The following ABCC1 variants were observed in gnomAD, a reference collection of about 807,000 sequenced individuals.
The protein encoded by ABCC1 is multidrug resistance-associated protein 1.
A neutral mutation model predicts 172.9 loss-of-function variants in ABCC1; 83 were observed. That is an observed-to-expected ratio of 0.48 (90% CI 0.40 to 0.58). The LOEUF (loss-of-function observed/expected upper bound fraction) is 0.58. Among genes scored for constraint, ABCC1 ranks in the 20% least tolerant of loss-of-function variants. The probability of loss-of-function intolerance (pLI) is 0.00; values close to 1 mark genes in which losing one functional copy is unlikely to be tolerated. For synonymous variants in ABCC1, 937 were observed against 825.2 expected, an observed-to-expected ratio of 1.14 and a Z score of -2.32; for missense variants, 1,817 against 2,002.7, an observed-to-expected ratio of 0.91 and a Z score of 1.77.
intron 23 of ABCC1, among the ~76,000 whole-genome samples, chr16:16,116,147 G>A (rs544313602): frequency 5.9e-5 from 9 of 151,800 alleles, no homozygotes; most frequent in African/African-American, 1.9e-4. Flanking sequence ...CTCGTGATTC[G>A]CCTGCCTCAG....
intron 1 of ABCC1, among the ~76,000 whole-genome samples, chr16:16,002,781 A>AAAT (rs1403252179): frequency 6.6e-6 from 1 of 151,660 alleles, no homozygotes; most frequent in East Asian, 1.9e-4. Context: ...CAAAAAAAAA[A>AAAT]AAAAAAGTTC....
intron 5 of ABCC1, 69 bp downstream of exon 5, chr16:16,016,690 A>C (rs2048013251): frequency 6.3e-7 from 1 of 1,590,138 alleles, no homozygotes; most frequent in African/African-American, 1.3e-5. Context: ...AGTACCAGCT[A>C]ACATTTCTTA....
intron 21 of ABCC1, among the ~76,000 whole-genome samples, chr16:16,110,887 G>A (rs370469184): frequency 6.6e-6 from 1 of 152,028 alleles, no homozygotes; most frequent in African/African-American, 2.4e-5. Flanking sequence ...CCATGCATGA[G>A]GGCAGAGACC....
At chr16:16,084,972 G>A (rs1290697582) in intron 17 of ABCC1, among the ~76,000 whole-genome samples, 3 of 152,054 alleles carry the variant, frequency 2.0e-5, no homozygotes, top group Non-Finnish European at 4.4e-5. Context: ...CATTTTACAC[G>A]TAATTCTTCC....
chr16:16,040,861 A>C lies in ABCC1; in HGVS notation c.810-3589A>C, dbSNP rs4479256. On this transcript the variant is annotated intron_variant, in intron 7 of 30. Coordinates refer to ENST00000399410, the MANE Select transcript of ABCC1 (RefSeq NM_004996.4). ...TAGGGACAAGAGTGAAGGCAGGGAG[A>C]CCAGGGTGGGAACCTCAAGGGCTGT... Among the ~76,000 whole-genome samples, 1,470 of 152,110 alleles carry C rather than the reference A, an allele frequency of 9.7e-3. 19 individuals are homozygous for C. The highest frequency in any genetic ancestry group is 0.033 in the African/African-American group (1,376 of 41,488).
intron 1 of ABCC1, among the ~76,000 whole-genome samples, chr16:15,997,021 G>C (rs966282906): frequency 7.2e-5 from 11 of 152,156 alleles, no homozygotes; most frequent in Non-Finnish European, 1.2e-4. Flanking sequence ...ACTTGATCAA[G>C]CTGGTGAAGT....
At chr16:16,132,510 G>GTGTTTTTTTTTTTTTT (rs2045735348) in intron 27 of ABCC1, among the ~76,000 whole-genome samples, 1 of 37,298 alleles carries the variant, frequency 2.7e-5, no homozygotes, top group Non-Finnish European at 5.0e-5. Flanking sequence ...TTGGTTGGTT[G>GTGTTTTTTTTTTTTTT]TTTTTTTTTT....
At chr16:16,049,855 CT>C (rs112143242) in intron 10 of ABCC1, among the ~76,000 whole-genome samples, 35 of 147,076 alleles carry the variant, frequency 2.4e-4, no homozygotes, top group East Asian at 2.0e-4. Flanking sequence ...ATTAAATTTT[CT>C]TTTTTTTTTG....
Position 16,112,738 on chromosome 16 carries a change from T to C in ABCC1, c.3079+1156T>C, listed in dbSNP as rs149687271. Among the ~76,000 whole-genome samples, 837 of 152,370 alleles carry C rather than the reference T, an allele frequency of 5.5e-3. 11 individuals are homozygous for C. The highest frequency in any genetic ancestry group is 6.2e-3 in the Non-Finnish European group (423 of 68,040). On this transcript the variant is annotated intron_variant, in intron 22 of 30. Transcript: ENST00000399410. Reference sequence around the variant, plus strand: ...AGCCATGTTTGCAAATACACATGTATGGTCCATATGATATATACACAGTAA... The same window carrying C: ...AGCCATGTTTGCAAATACACATGTACGGTCCATATGATATATACACAGTAA...
chr16:16,022,008 C>T (rs1274702560), intron 5 of ABCC1, among the ~76,000 whole-genome samples: 1 of 152,192 alleles, frequency 6.6e-6, no homozygotes, highest in Non-Finnish European at 1.5e-5. Flanking sequence ...TCCCATCACT[C>T]TCAGGGATTG....
At chr16:16,102,753 C>G (rs1378965803) in intron 20 of ABCC1, 36 bp downstream of exon 20, 1 of 1,544,574 alleles carries the variant, frequency 6.5e-7, no homozygotes, top group Admixed American at 2.0e-5. Flanking sequence ...CCTAAGGACC[C>G]TGCCCTGCCA....
chr16:16,124,339 G>GTGTGTGTGTGTGTGTGTGTGTA (rs1466097333), intron 24 of ABCC1, among the ~76,000 whole-genome samples: 1 of 134,508 alleles, frequency 7.4e-6, no homozygotes, highest in African/African-American at 3.0e-5. Flanking sequence ...GTGTGTGTGT[G>GTGTGTGTGTGTGTGTGTGTGTA]TGTGTGTGTG....
chr16:16,008,943 T>TTTTG (rs2047663570), intron 2 of ABCC1, among the ~76,000 whole-genome samples: 3 of 145,806 alleles, frequency 2.1e-5, no homozygotes, highest in Non-Finnish European at 4.5e-5. Flanking sequence ...TTTTTTTTTT[T>TTTTG]TTGTTGTTGT....
chr16:16,057,531 A>G (rs1440702750), intron 12 of ABCC1, among the ~76,000 whole-genome samples: 3 of 145,838 alleles, frequency 2.1e-5, no homozygotes, highest in Non-Finnish European at 4.5e-5. Context: ...ATTGTCATCC[A>G]TTGTAAAAAA....
intron 12 of ABCC1, among the ~76,000 whole-genome samples, chr16:16,066,068 C>T (rs570869888): frequency 4.3e-4 from 65 of 152,250 alleles, no homozygotes; most frequent in African/African-American, 1.4e-3. Flanking sequence ...ACCAGTTGCT[C>T]CCCAAATCTT....
chr16:16,016,455 C>G (rs1411691039), intron 4 of ABCC1, 41 bp from the exon 5 acceptor site: 1 of 1,611,476 alleles, frequency 6.2e-7, no homozygotes, highest in African/African-American at 1.3e-5. Flanking sequence ...CACCCAGCCC[C>G]AGAATGTGAT....
chr16:16,134,539 C>T (rs746882484), intron 28 of ABCC1, 31 bp downstream of exon 28: 2 of 1,611,844 alleles, frequency 1.2e-6, no homozygotes, highest in Non-Finnish European at 1.7e-6. Flanking sequence ...AGGGGGTGAG[C>T]CAGAGCTGGC....
intron 14 of ABCC1, among the ~76,000 whole-genome samples, chr16:16,073,345 T>A (rs192761118): frequency 2.6e-5 from 4 of 152,288 alleles, no homozygotes; most frequent in African/African-American, 9.6e-5. Context: ...TCACTGAGAT[T>A]TACTGAGCAC....
chr16:16,001,013 C>CCA (rs950307339), intron 1 of ABCC1, among the ~76,000 whole-genome samples: 16 of 152,180 alleles, frequency 1.1e-4, no homozygotes, highest in African/African-American at 3.9e-4. Context: ...AAGGCAGGAA[C>CCA]CACAGCCTTT....
Sources: gnomAD v4.1 joint callset for allele counts (sites outside exome capture counted in the v4.1 genomes callset) on GRCh38, gnomAD v4.1.1 for gene constraint, MANE v1.5 for transcripts, NCBI Gene and HGNC (gene_info 2026-07-23, HGNC 2026-07-21) for gene names.